The following RP1 variants were observed in gnomAD, a reference collection of about 807,000 sequenced individuals.
RP1 encodes RP1 axonemal microtubule associated, also known as oxygen-regulated protein 1.
A neutral mutation model predicts 14.8 loss-of-function variants in RP1; 16 were observed. That is an observed-to-expected ratio of 1.08 (90% CI 0.73 to 1.65). The LOEUF is 1.65. Among genes scored for constraint, RP1 ranks in the 40% most tolerant of loss-of-function variants. RP1 has a pLI of 0.00. For missense variants in RP1, 2,631 were observed against 2,535.0 expected (o/e 1.04, Z -0.81); for synonymous variants, 876 against 883.6 (o/e 0.99, Z 0.15).
chr8:54,836,654 C>T (rs1439007770), intron 24 of RP1, among the ~76,000 whole-genome samples: 1 of 152,174 alleles, frequency 6.6e-6, no homozygotes, highest in African/African-American at 2.4e-5. Context: ...GAAGCTTCCC[C>T]AGAGCCTCCA....
At chr8:54,742,245 G>A (rs1390387303) in intron 19 of RP1, among the ~76,000 whole-genome samples, 5 of 152,142 alleles carry the variant, frequency 3.3e-5, no homozygotes, top group Admixed American at 3.3e-4. Flanking sequence ...ATCTGTCACT[G>A]GTTCCTTTAC....
chr8:54,632,701 ATT>A (rs1806272107), downstream of RP1, among the ~76,000 whole-genome samples: 1 of 152,112 alleles, frequency 6.6e-6, no homozygotes, highest in African/African-American at 2.4e-5. Flanking sequence ...CGAAAGCAGT[ATT>A]TTAGTTATCC....
At chr8:54,699,137 T>C (rs1200579381) in intron 12 of RP1, among the ~76,000 whole-genome samples, 2 of 150,802 alleles carry the variant, frequency 1.3e-5, no homozygotes, top group East Asian at 3.9e-4. Context: ...GATATATTAG[T>C]ATATTGTATA....
At chr8:54,738,188 T>C (rs934101074) in intron 18 of RP1, among the ~76,000 whole-genome samples, 13 of 152,212 alleles carry the variant, frequency 8.5e-5, no homozygotes, top group African/African-American at 3.1e-4. Flanking sequence ...GAAAATTTTA[T>C]GCAGAAAGCA....
intron 1 of RP1, among the ~76,000 whole-genome samples, chr8:54,606,705 C>G (rs547260811): frequency 1.3e-5 from 2 of 152,324 alleles, no homozygotes; most frequent in East Asian, 3.9e-4. Context: ...TTGGTCTTTT[C>G]ACATAGTCCC....
At position 54,590,274 on chromosome 8, in the gene RP1, C is replaced by G. The variant is rs373107092; in HGVS notation, c.-12-30681C>G. On this transcript the variant is annotated intron_variant, in intron 1 of 22. Transcript: ENST00000636932. ...ATAGCCCTCCTCTGGCATTGTATCA[C>G]TCCTCTGCTCCCCTTCACAGAAACA... is the stretch of plus-strand genomic sequence containing the variant. 2.0e-5 allele frequency among the ~76,000 whole-genome samples: 3 copies of G among 152,166 alleles called. No individual in the cohort carries two copies. The East Asian group carries it at 5.8e-4, about 29-fold the overall frequency.
intron 7 of RP1, among the ~76,000 whole-genome samples, chr8:54,669,459 G>A (rs979260186): frequency 2.6e-5 from 4 of 152,222 alleles, no homozygotes; most frequent in African/African-American, 9.6e-5. Context: ...GATTGTGGAA[G>A]ACAGTGTGGC....
At chr8:54,578,512 T>G (rs1804711378) in intron 1 of RP1, among the ~76,000 whole-genome samples, 1 of 152,182 alleles carries the variant, frequency 6.6e-6, no homozygotes, top group South Asian at 2.1e-4. Context: ...CTGACCTAAT[T>G]TTTTAAGAAT....
chr8:54,580,776 G>A (rs908209885), intron 1 of RP1, among the ~76,000 whole-genome samples: 3 of 151,910 alleles, frequency 2.0e-5, no homozygotes, highest in African/African-American at 7.3e-5. Flanking sequence ...GTGCCACCAT[G>A]CCCAGCTAAT....
At chr8:54,796,074 C>T (rs1170483588) in intron 24 of RP1, among the ~76,000 whole-genome samples, 2 of 152,068 alleles carry the variant, frequency 1.3e-5, no homozygotes, top group Non-Finnish European at 2.9e-5. Context: ...CAATTGGTAG[C>T]CAAGGAATTA....
At chr8:54,842,284 G>T (rs1293109531) in intron 25 of RP1, among the ~76,000 whole-genome samples, 1 of 152,162 alleles carries the variant, frequency 6.6e-6, no homozygotes, top group Non-Finnish European at 1.5e-5. Flanking sequence ...AAGTGGCCAG[G>T]TTTTCTGAGT....
intron 26 of RP1, among the ~76,000 whole-genome samples, chr8:54,855,953 ACACACACACACACACACACC>A (rs1812185901): frequency 8.8e-6 from 1 of 114,050 alleles, no homozygotes; most frequent in Non-Finnish European, 1.8e-5. Context: ...ACACACACAC[ACACACACACACACACACACC>A]CCCTATAACC....
At chr8:54,694,870 T>C (rs1563350073) in intron 12 of RP1, among the ~76,000 whole-genome samples, 2 of 152,204 alleles carry the variant, frequency 1.3e-5, no homozygotes, top group Admixed American at 6.5e-5. Context: ...AGCTTTTGAA[T>C]GTGTTTGCTC....
chr8:54,601,985 G>C (rs1805303494), intron 1 of RP1, among the ~76,000 whole-genome samples: 1 of 152,174 alleles, frequency 6.6e-6, no homozygotes, highest in Non-Finnish European at 1.5e-5. Context: ...TCTAAACTTA[G>C]ATCATTGTAA....
intron 28 of RP1, among the ~76,000 whole-genome samples, chr8:54,867,452 T>C (rs563912956): frequency 6.6e-6 from 1 of 152,234 alleles, no homozygotes; most frequent in South Asian, 2.1e-4. Flanking sequence ...AAGATTGAAG[T>C]TTTTTAGCAC....
chr8:54,649,127 T>C lies in RP1; in HGVS notation c.930T>C (p.Val310=), dbSNP rs184721500. The change falls in exon 4 of 23, where the codon GTT becomes GTC. Residue 310 remains valine (V), a synonymous_variant. Coordinates refer to the RP1 transcript ENST00000636932. ...GAACAGATGGGGCTCGATTTCAGGTTGGCCATGAAGACATATTTACTGTAA... is the reference window on the plus strand; with the variant it reads ...GAACAGATGGGGCTCGATTTCAGGTCGGCCATGAAGACATATTTACTGTAA... 1.0e-4 allele frequency: 153 copies of C among 1,505,604 alleles called. 1 individual carries two copies. The East Asian group carries it at 3.6e-3, about 35-fold the overall frequency. The allele number at this position is 1,505,604 out of a possible 1,614,324, so 93.3% of individuals were successfully genotyped here.
chr8:54,618,574 T>C (rs1805780119), intron 1 of RP1, among the ~76,000 whole-genome samples: 2 of 152,344 alleles, frequency 1.3e-5, no homozygotes, highest in South Asian at 2.1e-4. Flanking sequence ...ATATTATTCA[T>C]GTACGATATT....
intron 2 of RP1, 106 bp downstream of exon 2, chr8:54,621,687 C>A: frequency 6.6e-7 from 1 of 1,525,794 alleles, no homozygotes; most frequent in Non-Finnish European, 9.0e-7. Flanking sequence ...ATCTTCCTTC[C>A]TCCCTGCCTG....
At chr8:54,837,134 G>A (rs1811677010) in intron 24 of RP1, among the ~76,000 whole-genome samples, 1 of 138,308 alleles carries the variant, frequency 7.2e-6, no homozygotes, top group Admixed American at 7.0e-5. Flanking sequence ...TATTCTTCAG[G>A]TCTACCCACT....
Sources: gnomAD v4.1 joint callset for allele counts (sites outside exome capture counted in the v4.1 genomes callset) on GRCh38, gnomAD v4.1.1 for gene constraint, MANE v1.5 for transcripts, NCBI Gene and HGNC (gene_info 2026-07-23, HGNC 2026-07-21) for gene names.